The following ENOX1 variants were observed in gnomAD, a reference collection of about 807,000 sequenced individuals.
ENOX1 encodes the protein candidate growth-related and time keeping constitutive hydroquinone (NADH) oxidase.
ENOX1 carries 42 observed loss-of-function variants against 82.5 expected under a neutral mutation model. The observed-to-expected ratio is 0.51, with a 90% CI of 0.40 to 0.66. The LOEUF (loss-of-function observed/expected upper bound fraction) is 0.66, where lower values mean the gene tolerates loss of function less well. ENOX1 is among the 30% of genes least tolerant of loss of function. The pLI is 0.00. For missense variants in ENOX1, 608 were observed against 811.6 expected (o/e 0.75, Z 3.05); for synonymous variants, 271 against 282.2 (o/e 0.96, Z 0.40).
At chr13:43,772,792 C>G (rs1951719349) in intron 1 of ENOX1, among the ~76,000 whole-genome samples, 1 of 140,832 alleles carries the variant, frequency 7.1e-6, no homozygotes. Context: ...GAAGAGAAGA[C>G]AATACTGAGT....
intron 2 of ENOX1, among the ~76,000 whole-genome samples, chr13:43,610,657 C>G (rs2082161673): frequency 6.6e-6 from 1 of 152,016 alleles, no homozygotes; most frequent in East Asian, 1.9e-4. Flanking sequence ...TTCAGGAGGG[C>G]AGAGGTAACT....
chr13:43,350,184 A>T (rs2049680954), intron 8 of ENOX1, among the ~76,000 whole-genome samples: 1 of 152,226 alleles, frequency 6.6e-6, no homozygotes. Flanking sequence ...TATAAAGCGA[A>T]TTCTCCTTCG....
chr13:43,253,618 G>T (rs192354012), intron 14 of ENOX1, among the ~76,000 whole-genome samples: 1 of 152,166 alleles, frequency 6.6e-6, no homozygotes, highest in Non-Finnish European at 1.5e-5. Context: ...AATCACTATG[G>T]AATATTTAAT....
intron 2 of ENOX1, among the ~76,000 whole-genome samples, chr13:43,584,600 A>G (rs982246361): frequency 2.6e-5 from 4 of 152,212 alleles, no homozygotes; most frequent in Non-Finnish European, 5.9e-5. Flanking sequence ...ACACTTCTGG[A>G]GAAGTGGACT....
intron 2 of ENOX1, among the ~76,000 whole-genome samples, chr13:43,506,663 A>T (rs2153671747): frequency 7.4e-6 from 1 of 135,192 alleles, no homozygotes; most frequent in African/African-American, 2.6e-5. Context: ...GCCATAAAAA[A>T]TGATGAGTTC....
intron 1 of ENOX1, among the ~76,000 whole-genome samples, chr13:43,740,308 T>C (rs73189935): frequency 0.034 from 5,143 of 151,976 alleles, 220 homozygotes; most frequent in East Asian, 0.22. Flanking sequence ...AGGGAAACCA[T>C]TGGAGGGTTT....
At chr13:43,782,402 AT>A (rs546908490) in intron 1 of ENOX1, among the ~76,000 whole-genome samples, 1 of 151,750 alleles carries the variant, frequency 6.6e-6, no homozygotes, top group East Asian at 1.9e-4. Flanking sequence ...TGGAAAATAG[AT>A]TTTTTTTAAA....
Position 43,306,275 on chromosome 13 carries a change from C to A in ENOX1, c.1262-7745G>T, listed in dbSNP as rs1006707076. On this transcript the variant is annotated intron_variant, in intron 11 of 16. Transcript: ENST00000690772. ...TGGCTATGGAGAGGCGAGCAGGCTG[C>A]TTCCTACTGAGCCCCAAGGCCAGGC... Among the ~76,000 whole-genome samples the A allele has an allele frequency of 1.8e-4, 28 of 152,200 alleles. 1 individual carries two copies. Among genetic ancestry groups the A allele is most frequent in the Admixed American group, 1.8e-3 (27 of 15,288 alleles).
At chr13:43,766,307 T>C (rs1285592849) in intron 1 of ENOX1, among the ~76,000 whole-genome samples, 2 of 152,364 alleles carry the variant, frequency 1.3e-5, no homozygotes, top group East Asian at 1.9e-4. Flanking sequence ...ATATTTCAAC[T>C]GTAGGTAACT....
In ENOX1 at chr13:43,659,237, C is replaced by T. The variant is rs373615381; in HGVS notation, c.-219+8242G>A. 6.6e-4 allele frequency among the ~76,000 whole-genome samples: 100 copies of T among 152,082 alleles called. 1 individual carries two copies. The South Asian group carries it at 0.02, about 30-fold the overall frequency. ...GGCACTGTGGCTCACACCTATAATC[C>T]CAGCATTTTGGGGGGCAGAGGCAGG... On this transcript the variant is annotated intron_variant, in intron 2 of 16. Coordinates refer to ENST00000690772, the MANE Select transcript of ENOX1 (RefSeq NM_001347969.2).
At chr13:43,548,281 C>T (rs142645752) in intron 2 of ENOX1, among the ~76,000 whole-genome samples, 254 of 152,278 alleles carry the variant, frequency 1.7e-3, no homozygotes, top group Admixed American at 2.5e-3. Flanking sequence ...CTCCCTGACC[C>T]TCCAAAGAAA....
At chr13:43,307,610 C>T (rs1373012455) in intron 11 of ENOX1, among the ~76,000 whole-genome samples, 1 of 152,184 alleles carries the variant, frequency 6.6e-6, no homozygotes, top group Non-Finnish European at 1.5e-5. Context: ...GCTTTTACAA[C>T]CCAACACAGC....
chr13:43,285,568 T>G (rs2045645717), intron 12 of ENOX1, among the ~76,000 whole-genome samples: 1 of 152,058 alleles, frequency 6.6e-6, no homozygotes, highest in Non-Finnish European at 1.5e-5. Context: ...GGATTTTTTT[T>G]GCCGAGGCAG....
chr13:43,616,666 T>C (rs975120493), intron 2 of ENOX1, among the ~76,000 whole-genome samples: 21 of 152,126 alleles, frequency 1.4e-4, no homozygotes, highest in African/African-American at 4.8e-4. Context: ...GTTCATATCT[T>C]ACTCTTCTTT....
At chr13:43,511,344 A>AT (rs917479692) in intron 2 of ENOX1, among the ~76,000 whole-genome samples, 64 of 152,258 alleles carry the variant, frequency 4.2e-4, no homozygotes, top group African/African-American at 1.4e-3. Flanking sequence ...TGTTGGTAAT[A>AT]TTTTTAGACA....
chr13:43,594,341 C>T (rs2081369717), intron 2 of ENOX1, among the ~76,000 whole-genome samples: 2 of 152,198 alleles, frequency 1.3e-5, no homozygotes, highest in African/African-American at 4.8e-5. Flanking sequence ...AGTCTGTACA[C>T]ATACATACAA....
At chr13:43,242,332 T>G (rs2042875182) in intron 14 of ENOX1, among the ~76,000 whole-genome samples, 1 of 152,240 alleles carries the variant, frequency 6.6e-6, no homozygotes, top group Admixed American at 6.5e-5. Context: ...GCTGGCCCAG[T>G]GAATGTAAAG....
intron 1 of ENOX1, among the ~76,000 whole-genome samples, chr13:43,684,300 G>A (rs299351): frequency 0.72 from 110,230 of 152,076 alleles, 43,133 homozygotes; most frequent in South Asian, 0.89. Context: ...GTTCTTGACT[G>A]TGTGGTAGAC....
At chr13:43,324,803 G>T (rs1035411170) in intron 10 of ENOX1, among the ~76,000 whole-genome samples, 9 of 152,074 alleles carry the variant, frequency 5.9e-5, no homozygotes, top group African/African-American at 2.2e-4. Flanking sequence ...CCACACCCAC[G>T]CAGAGGAGGC....
Sources: allele counts gnomAD v4.1 joint callset (sites outside exome capture counted in the v4.1 genomes callset), GRCh38; gene constraint gnomAD v4.1.1; transcripts MANE v1.5; gene names NCBI Gene and HGNC (gene_info 2026-07-23, HGNC 2026-07-21).